SAMSN1: variants seen among roughly 807,000 people sequenced by gnomAD.
SAMSN1 encodes the protein SAM domain-containing protein SAMSN-1.
SAMSN1 carries 31 observed loss-of-function variants against 42.0 expected under a neutral mutation model. The ratio of observed to expected loss-of-function variants is 0.74; its 90% CI spans 0.55 to 1.00. The LOEUF (loss-of-function observed/expected upper bound fraction) is 1.00, where lower values mean the gene tolerates loss of function less well. Ranked by LOEUF, SAMSN1 falls within the 50% of genes least tolerant of loss-of-function variation. SAMSN1 has a pLI of 0.00. For synonymous variants in SAMSN1, 178 were observed against 151.9 expected, an observed-to-expected ratio of 1.17 and a Z score of -1.26; for missense variants, 464 against 439.4, an observed-to-expected ratio of 1.06 and a Z score of -0.50.
chr21:14,658,678 C>G, intron 1 of SAMSN1: 2 of 710,206 alleles, frequency 2.8e-6, no homozygotes, highest in Non-Finnish European at 5.2e-6. Context: ...TAGAATATAT[C>G]CTAATTTCAT....
At chr21:14,597,969 C>T (rs1472870573) in intron 6 of SAMSN1, 1 of 152,072 alleles carries the variant, frequency 6.6e-6, no homozygotes, top group Admixed American at 6.6e-5. Context: ...TTTCATTGGC[C>T]ACAACTGGAT....
chr21:14,487,472 G>GT (rs1306351397), intron 7 of SAMSN1, among the ~76,000 whole-genome samples: 1 of 152,086 alleles, frequency 6.6e-6, no homozygotes, highest in African/African-American at 2.4e-5. Flanking sequence ...GAATTGTGCT[G>GT]TAAGTTACCC....
chr21:14,627,801 G>A (rs1023718855), intron 2 of SAMSN1, among the ~76,000 whole-genome samples: 1 of 152,140 alleles, frequency 6.6e-6, no homozygotes, highest in Admixed American at 6.6e-5. Context: ...GCTTCTCAGG[G>A]CATAATTAAT....
intron 5 of SAMSN1, among the ~76,000 whole-genome samples, chr21:14,602,771 C>G (rs1982468933): frequency 1.3e-5 from 2 of 152,094 alleles, no homozygotes; most frequent in South Asian, 4.1e-4. Context: ...ATCACCTGGT[C>G]AGCAGACCAG....
At chr21:14,501,888 A>G (rs1311698254) in intron 5 of SAMSN1, among the ~76,000 whole-genome samples, 1 of 152,216 alleles carries the variant, frequency 6.6e-6, no homozygotes, top group Admixed American at 6.5e-5. Context: ...TAAGACCATA[A>G]TTAACTATAG....
At chr21:14,651,004 A>G (rs2033016495) in intron 1 of SAMSN1, among the ~76,000 whole-genome samples, 1 of 152,022 alleles carries the variant, frequency 6.6e-6, no homozygotes, top group South Asian at 2.1e-4. Context: ...GAAAAGACCA[A>G]TAACAAGTTA....
chr21:14,613,707 T>G (rs1160101681), intron 3 of SAMSN1, among the ~76,000 whole-genome samples: 1 of 152,098 alleles, frequency 6.6e-6, no homozygotes, highest in African/African-American at 2.4e-5. Flanking sequence ...TTTATAATAT[T>G]GTAAAGTGAG....
chr21:14,659,064 G>C (rs755898409), upstream of SAMSN1, among the ~76,000 whole-genome samples: 13 of 151,930 alleles, frequency 8.6e-5, no homozygotes, highest in Non-Finnish European at 1.8e-4. Flanking sequence ...AAAACCTGCA[G>C]TGAAAATGCA....
In SAMSN1 at chr21:14,485,841, CT is replaced by C. The variant is rs1357287059; in HGVS notation, c.*70del. The C allele has an allele frequency of 2.7e-6, 3 of 1,129,590 alleles. No individual in the cohort carries two copies. Among genetic ancestry groups the C allele is most frequent in the Non-Finnish European group, 4.0e-6 (3 of 746,332 alleles). 70.0% of individuals were successfully genotyped at this position (1,129,590 alleles called of 1,614,324 possible). ...CAAATATTTATCTTATCTTCCTCTC[CT>C]ATTTGACGTTTTAGCTCAAGAAGAG... On this transcript the variant is annotated 3_prime_UTR_variant, in exon 8 of 8. Coordinates refer to ENST00000400566, the MANE Select transcript of SAMSN1 (RefSeq NM_022136.5).
chr21:14,572,758 T>C (rs1351710239), intron 2 of SAMSN1, among the ~76,000 whole-genome samples: 2 of 152,162 alleles, frequency 1.3e-5, no homozygotes, highest in Admixed American at 1.3e-4. Flanking sequence ...AAGGTGTCAT[T>C]TCATACTGCA....
At chr21:14,544,092 C>G (rs1185849605) in intron 1 of SAMSN1, among the ~76,000 whole-genome samples, 1 of 152,186 alleles carries the variant, frequency 6.6e-6, no homozygotes, top group Non-Finnish European at 1.5e-5. Context: ...CTCTGTTGCC[C>G]AGGCTGGAGT....
chr21:14,577,270 A>G (rs1450408457), intron 2 of SAMSN1, among the ~76,000 whole-genome samples: 2 of 49,402 alleles, frequency 4.0e-5, no homozygotes, highest in Non-Finnish European at 7.3e-5. Flanking sequence ...ATATATATAT[A>G]TATATATATA....
chr21:14,624,345 T>G (rs1983104513), intron 2 of SAMSN1, among the ~76,000 whole-genome samples: 1 of 152,128 alleles, frequency 6.6e-6, no homozygotes, highest in South Asian at 2.1e-4. Flanking sequence ...GGAGCTGTTT[T>G]TTTGAAAAGA....
At chr21:14,597,120 TG>T (rs1412655351) in intron 6 of SAMSN1, among the ~76,000 whole-genome samples, 1 of 152,164 alleles carries the variant, frequency 6.6e-6, no homozygotes, top group Non-Finnish European at 1.5e-5. Context: ...GGACTCTTTT[TG>T]TTTGTTTGTT....
chr21:14,516,580 C>G (rs141615602), intron 3 of SAMSN1, among the ~76,000 whole-genome samples: 1 of 151,960 alleles, frequency 6.6e-6, no homozygotes. Flanking sequence ...TTAGTAGAGA[C>G]GGGGTTTCAC....
chr21:14,527,017 GTC>G (rs924719922), intron 1 of SAMSN1, among the ~76,000 whole-genome samples: 2 of 152,134 alleles, frequency 1.3e-5, no homozygotes, highest in African/African-American at 4.8e-5. Context: ...AAGTTTCACA[GTC>G]TATTTCAAAG....
At chr21:14,583,917 GA>G (rs527704790), upstream of SAMSN1, 146 of 548,024 alleles carry the variant, frequency 2.7e-4, no homozygotes, top group African/African-American at 2.7e-3. Context: ...GCACTAACTT[GA>G]AAGCACACCA....
chr21:14,538,653 T>C (rs1258518506), intron 1 of SAMSN1, among the ~76,000 whole-genome samples: 2 of 152,196 alleles, frequency 1.3e-5, no homozygotes, highest in Non-Finnish European at 2.9e-5. Flanking sequence ...GGTACAACTA[T>C]GTGTCATCCT....
chr21:14,609,361 CT>C, intron 5 of SAMSN1: 1 of 630,788 alleles, frequency 1.6e-6, no homozygotes. Flanking sequence ...TTTGGTTTTC[CT>C]TTTTAAGTAG....
Sources: allele counts gnomAD v4.1 joint callset (sites outside exome capture counted in the v4.1 genomes callset), GRCh38; gene constraint gnomAD v4.1.1; transcripts MANE v1.5; gene names NCBI Gene and HGNC (gene_info 2026-07-23, HGNC 2026-07-21).